Variants in PKN2 observed in about 807,000 individuals in gnomAD.
The protein encoded by PKN2 is protein kinase N2.
In PKN2, 38 loss-of-function variants were observed where a neutral mutation model predicts 119.1. The observed-to-expected ratio is 0.32, with a 90% CI of 0.25 to 0.42. PKN2 has a LOEUF of 0.42. Ranked by LOEUF, PKN2 falls within the 10% of genes least tolerant of loss-of-function variation. PKN2 has a pLI of 1.00. For synonymous variants in PKN2, 390 were observed against 384.9 expected, an observed-to-expected ratio of 1.01 and a Z score of -0.15; for missense variants, 850 against 1,165.1, an observed-to-expected ratio of 0.73 and a Z score of 3.94.
chr1:88,721,286 A>G (rs777554695), intron 1 of PKN2, among the ~76,000 whole-genome samples: 1 of 150,874 alleles, frequency 6.6e-6, no homozygotes. Flanking sequence ...ACCAACATCT[A>G]TTTTTTTTTA....
intron 17 of PKN2, among the ~76,000 whole-genome samples, chr1:88,824,084 CAGG>C (rs1015093781): frequency 1.3e-5 from 2 of 149,450 alleles, no homozygotes; most frequent in Non-Finnish European, 3.0e-5. Context: ...TTTTATGTAA[CAGG>C]AGAAGAATTT....
intron 8 of PKN2, among the ~76,000 whole-genome samples, chr1:88,796,165 T>C (rs1443853393): frequency 6.6e-6 from 1 of 152,234 alleles, no homozygotes; most frequent in African/African-American, 2.4e-5. Context: ...CCAAATTTTT[T>C]TTCAGATCTT....
At chr1:88,747,980 A>G (rs1668833303) in intron 2 of PKN2, among the ~76,000 whole-genome samples, 2 of 152,116 alleles carry the variant, frequency 1.3e-5, no homozygotes, top group Non-Finnish European at 2.9e-5. Context: ...GCCCACTTAA[A>G]TAGTGTGATC....
intron 2 of PKN2, among the ~76,000 whole-genome samples, chr1:88,759,358 G>A (rs1669348574): frequency 6.6e-6 from 1 of 152,152 alleles, no homozygotes; most frequent in South Asian, 2.1e-4. Context: ...GCAAGACTCT[G>A]TCTCAGAAAG....
chr1:88,766,479 T>G (rs1669673617), intron 3 of PKN2, among the ~76,000 whole-genome samples: 2 of 152,250 alleles, frequency 1.3e-5, no homozygotes, highest in African/African-American at 4.8e-5. Context: ...GAAAGTCGTA[T>G]AATTTTTTAG....
At position 88,835,786 on chromosome 1, in the gene PKN2, A is replaced by G. The variant is rs940875138; in HGVS notation, c.*2338A>G. ...ATCACAAATGCACAAATTAAAGTCT[A>G]TATAGATTGAAATTTGTAACTTTGG... On this transcript the variant is annotated 3_prime_UTR_variant, in exon 22 of 22. Coordinates refer to ENST00000370521, the MANE Select transcript of PKN2 (RefSeq NM_006256.4). 6.6e-6 allele frequency: 1 copy of G among 152,366 alleles called. No homozygotes were observed. The highest frequency in any genetic ancestry group is 1.5e-5 in the Non-Finnish European group (1 of 67,906). The allele number at this position is 152,366 out of a possible 1,614,324, so 9.4% of individuals were successfully genotyped here.
chr1:88,828,380 A>G lies in PKN2; in HGVS notation c.2420-101A>G. On this transcript the variant is annotated intron_variant, in intron 18 of 21. Coordinates refer to ENST00000370521, the MANE Select transcript of PKN2 (RefSeq NM_006256.4). ...GTCTGAATTTGTTCACCATGCACAA[A>G]TGTGCAACTTTAATTTTGCCTCCCA... 9.4e-6 allele frequency: 9 copies of G among 953,328 alleles called. No individual in the cohort carries two copies. The Middle Eastern group carries it at 7.0e-4, about 75-fold the overall frequency. 59.1% of individuals were successfully genotyped at this position (953,328 alleles called of 1,614,324 possible). A position where few individuals can be genotyped will look rare whatever the true frequency, so the allele number is the denominator to read the frequency against.
intron 1 of PKN2, among the ~76,000 whole-genome samples, chr1:88,701,157 G>C (rs1437944007): frequency 2.0e-5 from 3 of 152,162 alleles, no homozygotes; most frequent in Non-Finnish European, 4.4e-5. Context: ...AAACAACTCA[G>C]TTGAGGCCGG....
intron 8 of PKN2, among the ~76,000 whole-genome samples, chr1:88,797,318 G>A (rs1216674252): frequency 3.1e-4 from 45 of 146,974 alleles, no homozygotes; most frequent in Non-Finnish European, 5.7e-4. Context: ...TGGGCAACAA[G>A]AGCAAAACTC....
At chr1:88,703,551 CT>C (rs1167019503) in intron 1 of PKN2, among the ~76,000 whole-genome samples, 2 of 152,076 alleles carry the variant, frequency 1.3e-5, no homozygotes, top group African/African-American at 4.8e-5. Context: ...GGCTAATGAT[CT>C]TTTCTGTGAG....
At position 88,727,467 on chromosome 1, in the gene PKN2, G is replaced by A. The variant is rs569760013; in HGVS notation, c.49-13521G>A. 2.6e-5 allele frequency among the ~76,000 whole-genome samples: 4 copies of A among 152,134 alleles called. No individual in the cohort carries two copies. In the South Asian group the frequency reaches 8.3e-4, roughly 32 times the overall value. On this transcript the variant is annotated intron_variant, in intron 1 of 21. Transcript: ENST00000370521. ...ATTACAGGCAGGAGCCACTGCACCC[G>A]GCCCAAGGCCACATTTTTTTAATCC...
chr1:88,802,982 C>A (rs907938500), intron 8 of PKN2, among the ~76,000 whole-genome samples: 4 of 152,158 alleles, frequency 2.6e-5, no homozygotes, highest in Non-Finnish European at 5.9e-5. Flanking sequence ...GTTTATTTCA[C>A]AAAATAACTG....
chr1:88,760,932 A>G (rs573634248), intron 3 of PKN2, among the ~76,000 whole-genome samples: 1 of 152,308 alleles, frequency 6.6e-6, no homozygotes, highest in East Asian at 1.9e-4. Context: ...TTAAAAAGAA[A>G]TTATCTAAAA....
rs1192677872 is a variant in PKN2, at chr1:88,832,603, G to T, written c.2563-141G>T. 4 of 572,728 alleles carry T rather than the reference G, an allele frequency of 7.0e-6. No individual in the cohort carries two copies. The African/African-American group carries it at 8.6e-5, about 12-fold the overall frequency. The allele number at this position is 572,728 out of a possible 1,614,324, so 35.5% of individuals were successfully genotyped here. Reference sequence around the variant, plus strand: ...TTTGTTGTTGTTTTGGTAGGCATGGGTTTATTGTTGTTGTTGTTGTTGTTG... The same window carrying T: ...TTTGTTGTTGTTTTGGTAGGCATGGTTTTATTGTTGTTGTTGTTGTTGTTG... On this transcript the variant is annotated intron_variant, in intron 19 of 21. Coordinates refer to ENST00000370521, the MANE Select transcript of PKN2 (RefSeq NM_006256.4).
intron 3 of PKN2, among the ~76,000 whole-genome samples, chr1:88,767,086 T>G (rs1669693815): frequency 1.3e-5 from 2 of 152,176 alleles, no homozygotes; most frequent in African/African-American, 2.4e-5. Flanking sequence ...TATGGTTTAC[T>G]TAATATTTAT....
intron 8 of PKN2, among the ~76,000 whole-genome samples, chr1:88,798,757 A>C (rs1049857910): frequency 6.6e-6 from 1 of 152,264 alleles, no homozygotes; most frequent in Admixed American, 6.5e-5. Context: ...GCCACATCTG[A>C]AGGAATAATA....
intron 3 of PKN2, among the ~76,000 whole-genome samples, chr1:88,766,533 A>G (rs1186087434): frequency 1.3e-5 from 2 of 152,232 alleles, no homozygotes; most frequent in Non-Finnish European, 2.9e-5. Context: ...TACAATTACC[A>G]GCATTATAGA....
Position 88,829,099 on chromosome 1 carries a change from A to G in PKN2, c.2562+476A>G, listed in dbSNP as rs545261097. 3 of 710,378 alleles carry G rather than the reference A, an allele frequency of 4.2e-6. No homozygotes were observed. The African/African-American group carries it at 5.2e-5, about 12-fold the overall frequency. The allele number at this position is 710,378 out of a possible 1,614,324, so 44.0% of individuals were successfully genotyped here. A position where few individuals can be genotyped will look rare whatever the true frequency, so the allele number is the denominator to read the frequency against. On this transcript the variant is annotated intron_variant, in intron 19 of 21. Coordinates refer to ENST00000370521, the MANE Select transcript of PKN2 (RefSeq NM_006256.4). ...AAGCAAAGTAGAATTTCGTAAGAAC[A>G]AAATGGATGGAGAGAGGAGAAAACC...
intron 8 of PKN2, among the ~76,000 whole-genome samples, chr1:88,790,076 C>A (rs544919198): frequency 6.6e-6 from 1 of 152,180 alleles, no homozygotes. Flanking sequence ...ATGTATTAGT[C>A]CGCATTTCTT....
Sources: allele counts gnomAD v4.1 joint callset (sites outside exome capture counted in the v4.1 genomes callset), GRCh38; gene constraint gnomAD v4.1.1; transcripts MANE v1.5; gene names NCBI Gene and HGNC (gene_info 2026-07-23, HGNC 2026-07-21).